The following NIPSNAP3A variants were observed in gnomAD, a reference collection of about 807,000 sequenced individuals.
NIPSNAP3A encodes nipsnap homolog 3A, also known as protein NipSnap homolog 3A.
Under a neutral mutation model 32.3 loss-of-function variants are expected in NIPSNAP3A, and 27 were observed. The ratio of observed to expected loss-of-function variants is 0.84; its 90% CI spans 0.62 to 1.15. NIPSNAP3A has a LOEUF of 1.15. Ranked by LOEUF, NIPSNAP3A falls within the 50% of genes most tolerant of loss-of-function variation. The probability of loss-of-function intolerance (pLI) is 0.00; values close to 1 mark genes in which losing one functional copy is unlikely to be tolerated. For missense variants in NIPSNAP3A, 278 were observed against 297.2 expected, an observed-to-expected ratio of 0.94 and a Z score of 0.48; for synonymous variants, 108 against 107.3, an observed-to-expected ratio of 1.01 and a Z score of -0.04.
At chr9:104,747,897 A>T in intron 1 of NIPSNAP3A, 45 bp downstream of exon 1, 338 of 1,410,528 alleles carry the variant, frequency 2.4e-4, no homozygotes, top group Non-Finnish European at 3.0e-4. Flanking sequence ...ACGGGAGGGG[A>T]GGGGCGGGGC....
At chr9:104,755,037 C>T (rs914302701) in intron 4 of NIPSNAP3A, among the ~76,000 whole-genome samples, 3 of 151,932 alleles carry the variant, frequency 2.0e-5, no homozygotes, top group South Asian at 2.1e-4. Context: ...GTCAGGAGTT[C>T]GAGACCAGCC....
At chr9:104,754,778 A>C in intron 4 of NIPSNAP3A, 78 bp downstream of exon 4, 1 of 1,106,818 alleles carries the variant, frequency 9.0e-7, no homozygotes, top group Non-Finnish European at 1.4e-6. Flanking sequence ...GTTCTTTCTC[A>C]TTATAGAGTA....
intron 1 of NIPSNAP3A, 44 bp downstream of exon 1, chr9:104,747,896 GA>G: frequency 6.9e-7 from 1 of 1,441,312 alleles, no homozygotes; most frequent in Non-Finnish European, 9.2e-7. Context: ...GACGGGAGGG[GA>G]GGGGCGGGGC....
intron 4 of NIPSNAP3A, among the ~76,000 whole-genome samples, chr9:104,757,168 A>G (rs10820723): frequency 0.15 from 23,093 of 152,112 alleles, 2,192 homozygotes; most frequent in East Asian, 0.28. Flanking sequence ...GTGTTCATAC[A>G]CTTTTTAATC....
intron 1 of NIPSNAP3A, among the ~76,000 whole-genome samples, chr9:104,750,189 G>A (rs1049761262): frequency 3.9e-5 from 6 of 152,228 alleles, no homozygotes; most frequent in East Asian, 3.9e-4. Flanking sequence ...ACTGTAACAC[G>A]TATGCTCTTG....
In NIPSNAP3A at chr9:104,754,598, C is replaced by G; in HGVS notation, c.478C>G (p.Leu160Val). ...TCAGATGAAACCTGGTGGGCCAGCTCTGTGGGGTGATGCATTTAAAAGGGC... is the reference window on the plus strand; with the variant it reads ...TCAGATGAAACCTGGTGGGCCAGCTGTGTGGGGTGATGCATTTAAAAGGGC... ...TFQMKPGGPALWGDAFKRAVH... is the reference protein window; with the variant it reads ...TFQMKPGGPAVWGDAFKRAVH... Residue 160 changes from leucine (L) to valine (V), a missense_variant, in exon 4 of 6, where the codon CTG becomes GTG. By Grantham distance (32) the Leu-to-Val change is conservative (BLOSUM62 1). Coordinates refer to ENST00000374767, the MANE Select transcript of NIPSNAP3A (RefSeq NM_015469.3). The G allele has an allele frequency of 1.2e-6, 2 of 1,614,066 alleles. No homozygotes were observed. Among genetic ancestry groups the G allele is most frequent in the African/African-American group, 1.3e-5 (1 of 75,044 alleles).
At chr9:104,750,834 A>G in intron 1 of NIPSNAP3A, 122 bp from the exon 2 acceptor site, 2 of 801,450 alleles carry the variant, frequency 2.5e-6, no homozygotes, top group Non-Finnish European at 4.3e-6. Flanking sequence ...AATTGACAAC[A>G]GAAGTACAAA....
intron 4 of NIPSNAP3A, among the ~76,000 whole-genome samples, chr9:104,755,438 T>C (rs1201073528): frequency 1.3e-5 from 2 of 152,002 alleles, no homozygotes; most frequent in East Asian, 3.8e-4. Context: ...TTTCCACCAG[T>C]TTTATATATA....
chr9:104,748,207 C>T (rs918047107), intron 1 of NIPSNAP3A, among the ~76,000 whole-genome samples: 1 of 152,196 alleles, frequency 6.6e-6, no homozygotes, highest in African/African-American at 2.4e-5. Context: ...GCGAGCGCTC[C>T]CATGTTGTCA....
intron 1 of NIPSNAP3A, among the ~76,000 whole-genome samples, chr9:104,749,671 G>C (rs76531651): frequency 0.058 from 8,830 of 152,144 alleles, 763 homozygotes; most frequent in African/African-American, 0.18. Context: ...GTGTGTGTGC[G>C]TATGTGTGTG....
chr9:104,747,998 C>CCCCGGAACCCCAAGACAGGGGTA (rs144977747), intron 1 of NIPSNAP3A, 146 bp downstream of exon 1: 111,501 of 683,862 alleles, frequency 0.16, 14,455 homozygotes, highest in East Asian at 0.45. Context: ...CTAGCGTGAG[C>CCCCGGAACCCCAAGACAGGGGTA]CCCGGAACCC....
chr9:104,759,260 A>T lies in NIPSNAP3A; in HGVS notation c.668-2A>T. Reference sequence around the variant, plus strand: ...ATGCCTTTCTATGAAATGTTTTTCCAGTTCGGGAAAGTGTCAACTACCTAG... The same window carrying T: ...ATGCCTTTCTATGAAATGTTTTTCCTGTTCGGGAAAGTGTCAACTACCTAG... On this transcript the variant is annotated splice_acceptor_variant, in intron 5 of 5. Transcript: ENST00000374767. LOFTEE classifies it high-confidence loss of function. 1.2e-6 allele frequency: 2 copies of T among 1,614,078 alleles called. No homozygotes were observed. Among genetic ancestry groups the T allele is most frequent in the Non-Finnish European group, 1.7e-6 (2 of 1,179,990 alleles).
intron 4 of NIPSNAP3A, among the ~76,000 whole-genome samples, chr9:104,756,791 G>A (rs1827911050): frequency 6.6e-6 from 1 of 151,010 alleles, no homozygotes; most frequent in African/African-American, 2.4e-5. Flanking sequence ...TGAGATAAAT[G>A]GTTAAGTCTC....
chr9:104,758,551 T>A (rs1380830738), intron 4 of NIPSNAP3A, among the ~76,000 whole-genome samples: 1 of 152,182 alleles, frequency 6.6e-6, no homozygotes, highest in Non-Finnish European at 1.5e-5. Flanking sequence ...TCTTCATCTA[T>A]AAAACCAATT....
At chr9:104,758,985 A>T in intron 4 of NIPSNAP3A, 100 bp from the exon 5 acceptor site, 1 of 1,065,566 alleles carries the variant, frequency 9.4e-7, no homozygotes, top group Non-Finnish European at 1.3e-6. Context: ...AAAAAAAAAA[A>T]AAAAAAAAAA....
intron 4 of NIPSNAP3A, among the ~76,000 whole-genome samples, chr9:104,757,123 TTAAG>T (rs1564053113): frequency 6.6e-6 from 1 of 152,180 alleles, no homozygotes; most frequent in Non-Finnish European, 1.5e-5. Context: ...ACTGCACATA[TTAAG>T]TTTTATTTTT....
At chr9:104,752,314 G>A (rs1255397784) in intron 2 of NIPSNAP3A, among the ~76,000 whole-genome samples, 1 of 152,090 alleles carries the variant, frequency 6.6e-6, no homozygotes, top group South Asian at 2.1e-4. Flanking sequence ...AAGGAGAAGA[G>A]GCTTAAAAAG....
chr9:104,751,188 G>A, intron 2 of NIPSNAP3A, 22 bp downstream of exon 2: 1 of 1,595,356 alleles, frequency 6.3e-7, no homozygotes, highest in Non-Finnish European at 8.6e-7. Context: ...TCCAATTTTG[G>A]CTTTCAGTAT....
At chr9:104,752,325 T>TA (rs1827856420) in intron 2 of NIPSNAP3A, among the ~76,000 whole-genome samples, 1 of 152,172 alleles carries the variant, frequency 6.6e-6, no homozygotes, top group African/African-American at 2.4e-5. Context: ...GCTTAAAAAG[T>TA]ACGGTTTAAC....
Sources: gnomAD v4.1 joint callset for allele counts (sites outside exome capture counted in the v4.1 genomes callset) on GRCh38, gnomAD v4.1.1 for gene constraint, MANE v1.5 for transcripts, NCBI Gene and HGNC (gene_info 2026-07-23, HGNC 2026-07-21) for gene names.